Variants in UGT2A3 observed in about 807,000 individuals in gnomAD.
UGT2A3 encodes the protein UDP-glucuronosyltransferase 2A3.
A neutral mutation model predicts 44.1 loss-of-function variants in UGT2A3; 55 were observed. That is an observed-to-expected ratio of 1.25 (90% CI 1.00 to 1.56). The LOEUF (loss-of-function observed/expected upper bound fraction) is 1.56. UGT2A3 is among the 40% of genes most tolerant of loss of function. UGT2A3 has a pLI of 0.00. For synonymous variants in UGT2A3, 243 were observed against 215.1 expected (o/e 1.13, Z -1.13); for missense variants, 733 against 621.6 (o/e 1.18, Z -1.91).
chr4:68,942,207 G>A (rs1718212812), intron 2 of UGT2A3, among the ~76,000 whole-genome samples: 1 of 150,264 alleles, frequency 6.7e-6, no homozygotes, highest in South Asian at 2.1e-4. Flanking sequence ...TATACCCAAG[G>A]GATGAATCAA....
intron 2 of UGT2A3, chr4:68,943,470 C>A: frequency 2.2e-6 from 1 of 448,396 alleles, no homozygotes; most frequent in Non-Finnish European, 3.4e-6. Flanking sequence ...TCTGGAAATC[C>A]TACTGGCTCT....
At chr4:68,931,475 T>C (rs1424315028) in intron 3 of UGT2A3, among the ~76,000 whole-genome samples, 1 of 152,020 alleles carries the variant, frequency 6.6e-6, no homozygotes, top group Admixed American at 6.6e-5. Flanking sequence ...TTATTACCAA[T>C]TAAAAATATT....
Position 68,951,697 on chromosome 4 carries a change from A to C in UGT2A3, c.64T>G (p.Phe22Val). ...GGCCACACCAGGACTTTCCCACAGAATCCACAGCCAACACAGAAGAGCTGC... is the reference window on the plus strand; with the variant it reads ...GGCCACACCAGGACTTTCCCACAGACTCCACAGCCAACACAGAAGAGCTGC... ...LLQLFCVGCGFCGKVLVWPCD... is the reference protein window; with the variant it reads ...LLQLFCVGCGVCGKVLVWPCD... Residue 22 changes from phenylalanine to valine, a missense_variant, in exon 1 of 6, where the codon TTC (phenylalanine) becomes GTC (valine). Coordinates refer to ENST00000251566, the MANE Select transcript of UGT2A3 (RefSeq NM_024743.4). 2 of 1,611,338 alleles carry C rather than the reference A, an allele frequency of 1.2e-6. No homozygotes were observed. The highest frequency in any genetic ancestry group is 8.5e-7 in the Non-Finnish European group (1 of 1,179,014).
chr4:68,932,668 G>C lies in UGT2A3; in HGVS notation c.956C>G (p.Ala319Gly), dbSNP rs1284054538. 4 of 1,611,504 alleles carry C rather than the reference G, an allele frequency of 2.5e-6. No individual in the cohort carries two copies. In the African/African-American group the frequency reaches 4.0e-5, roughly 16 times the overall value. Residue 319 changes from alanine (A) to glycine (G), a missense_variant, in exon 3 of 6, where the codon GCT becomes GGT. Transcript: ENST00000251566. Reference protein sequence around the residue: ...SLFQNVTEEKANIIASALAQI... With the variant: ...SLFQNVTEEKGNIIASALAQI... ...GGCAAGGGCTGAAGCAATGATATTA[G>C]CCTTTTCTTCTGTAACATTTTGAAA... is the stretch of plus-strand genomic sequence containing the variant.
intron 2 of UGT2A3, among the ~76,000 whole-genome samples, chr4:68,942,861 A>G (rs992587071): frequency 1.3e-5 from 2 of 151,674 alleles, no homozygotes; most frequent in Non-Finnish European, 2.9e-5. Flanking sequence ...ACTATAGTTA[A>G]TAGTAATGTA....
chr4:68,931,779 C>T (rs572189111), intron 3 of UGT2A3, among the ~76,000 whole-genome samples: 2 of 151,890 alleles, frequency 1.3e-5, no homozygotes, highest in Admixed American at 6.6e-5. Flanking sequence ...TACTTATGTT[C>T]CACTGTTCAA....
chr4:68,949,152 C>A (rs1718490128), intron 1 of UGT2A3, among the ~76,000 whole-genome samples: 2 of 151,790 alleles, frequency 1.3e-5, no homozygotes, highest in Admixed American at 6.6e-5. Context: ...TCCCATCAAG[C>A]CCCACCTCCA....
At position 68,951,380 on chromosome 4, in the gene UGT2A3, G is replaced by T. The variant is rs1392959877; in HGVS notation, c.381C>A (p.Ser127Arg). The T allele has an allele frequency of 6.2e-7, 1 of 1,612,472 alleles. No individual in the cohort carries two copies. The highest frequency in any genetic ancestry group is 1.7e-5 in the Admixed American group (1 of 59,748). ...TCATAAGCGTCTGATTGTAGATAAAGCTCTCACACATCATTTTTAAAGTTC... is the reference window on the plus strand; with the variant it reads ...TCATAAGCGTCTGATTGTAGATAAATCTCTCACACATCATTTTTAAAGTTC... The part of the protein sequence containing the change: ...IRGTLKMMCE[S>R]FIYNQTLMKK... Residue 127 changes from serine to arginine, a missense_variant, in exon 1 of 6, where the codon AGC becomes AGA. Coordinates refer to ENST00000251566, the MANE Select transcript of UGT2A3 (RefSeq NM_024743.4).
rs1317688637 is a variant in UGT2A3 at position 68,928,691 on chromosome 4, G to A, written c.*1122C>T. 6.6e-6 allele frequency: 1 copy of A among 151,760 alleles called. No homozygotes were observed. The highest frequency in any genetic ancestry group is 2.4e-5 in the African/African-American group (1 of 41,382). 9.4% of individuals were successfully genotyped at this position (151,760 alleles called of 1,614,324 possible). ...TTATATGACAGTAAAAAAATGAGAA[G>A]ATTAACATATTTGCTTATTAGTGTA... On this transcript the variant is annotated 3_prime_UTR_variant, in exon 6 of 6. Transcript: ENST00000251566.
chr4:68,943,478 T>C, intron 2 of UGT2A3: 1 of 371,058 alleles, frequency 2.7e-6, no homozygotes, highest in South Asian at 3.1e-5. Flanking sequence ...TCCTACTGGC[T>C]CTGAAACCTT....
At chr4:68,935,274 A>ATT (rs1717894730) in intron 2 of UGT2A3, among the ~76,000 whole-genome samples, 1 of 20,058 alleles carries the variant, frequency 5.0e-5, no homozygotes. Flanking sequence ...GTATGTATGT[A>ATT]TGTATATATA....
intron 1 of UGT2A3, among the ~76,000 whole-genome samples, chr4:68,948,439 CTTTTT>C (rs60082800): frequency 0.13 from 14,120 of 109,870 alleles, 915 homozygotes; most frequent in Admixed American, 0.25. Flanking sequence ...TCTTTTTTTT[CTTTTT>C]TTTTTTTTTT....
chr4:68,939,670 T>C (rs1299330539), intron 2 of UGT2A3, among the ~76,000 whole-genome samples: 1 of 152,026 alleles, frequency 6.6e-6, no homozygotes, highest in Non-Finnish European at 1.5e-5. Flanking sequence ...CCAAAAGCAA[T>C]GGCAACAAAA....
At chr4:68,950,208 A>C (rs964566584) in intron 1 of UGT2A3, among the ~76,000 whole-genome samples, 11 of 151,936 alleles carry the variant, frequency 7.2e-5, no homozygotes, top group Non-Finnish European at 1.6e-4. Context: ...AAAATTATTT[A>C]AAGCAAATCA....
intron 1 of UGT2A3, among the ~76,000 whole-genome samples, chr4:68,946,505 T>C (rs1718388558): frequency 6.6e-6 from 1 of 151,606 alleles, no homozygotes; most frequent in South Asian, 2.1e-4. Flanking sequence ...TGCATTTATG[T>C]CTTATAAATT....
At position 68,930,016 on chromosome 4, in the gene UGT2A3, A is replaced by G. The variant is rs1403259682; in HGVS notation, c.1381T>C (p.Trp461Arg). Residue 461 changes from tryptophan to arginine, a missense_variant, in exon 6 of 6, where the codon TGG becomes CGG. Trp to Arg is a moderately radical substitution (Grantham distance 101). Transcript: ENST00000251566. ...PVKPLDRAVF[W>R]IEFVMRHKGA... ...TTGTGGCGCATGACAAACTCGATCC[A>G]GAAGACTGCTCGATCTAGGGGCTTT... 1 of 1,613,674 alleles carries G rather than the reference A, an allele frequency of 6.2e-7. No individual in the cohort carries two copies. Among genetic ancestry groups the G allele is most frequent in the Non-Finnish European group, 8.5e-7 (1 of 1,179,676 alleles).
chr4:68,951,189 T>C lies in UGT2A3; in HGVS notation c.572A>G (p.Tyr191Cys), dbSNP rs745579360. The C allele has an allele frequency of 3.7e-6, 6 of 1,612,138 alleles. No homozygotes were observed. Among genetic ancestry groups the C allele is most frequent in the Non-Finnish European group, 5.1e-6 (6 of 1,179,026 alleles). The change falls in exon 1 of 6, where the codon TAT becomes TGT. Residue 191 changes from tyrosine to cysteine, a missense_variant. By Grantham distance (194) the Tyr-to-Cys change is radical. Coordinates refer to ENST00000251566, the MANE Select transcript of UGT2A3 (RefSeq NM_024743.4). Reference sequence around the variant, plus strand: ...TAGTCCTGTCATAGGCACAGGTACATAGGAAAGTGGAGCTGGAAGTTTCCC... The same window carrying C: ...TAGTCCTGTCATAGGCACAGGTACACAGGAAAGTGGAGCTGGAAGTTTCCC... ...SCGKLPAPLSYVPVPMTGLTD... is the reference protein window; with the variant it reads ...SCGKLPAPLSCVPVPMTGLTD...
intron 2 of UGT2A3, among the ~76,000 whole-genome samples, chr4:68,938,062 T>TAATC (rs1718023159): frequency 6.7e-6 from 1 of 149,358 alleles, no homozygotes; most frequent in Non-Finnish European, 1.5e-5. Context: ...ATTGAGGCAA[T>TAATC]AATATCCTAC....
At chr4:68,950,205 T>A (rs1021999579) in intron 1 of UGT2A3, among the ~76,000 whole-genome samples, 1 of 151,894 alleles carries the variant, frequency 6.6e-6, no homozygotes, top group Non-Finnish European at 1.5e-5. Context: ...TGGAAAATTA[T>A]TTAAAGCAAA....
Sources: allele counts gnomAD v4.1 joint callset (sites outside exome capture counted in the v4.1 genomes callset), GRCh38; gene constraint gnomAD v4.1.1; transcripts MANE v1.5; gene names NCBI Gene and HGNC (gene_info 2026-07-23, HGNC 2026-07-21).